The following DIP2C variants were observed in gnomAD, a reference collection of about 807,000 sequenced individuals.
The protein encoded by DIP2C is disco-interacting protein 2 homolog C.
Under a neutral mutation model 192.4 loss-of-function variants are expected in DIP2C, and 33 were observed. That is an observed-to-expected ratio of 0.17 (90% confidence interval 0.13 to 0.23). The LOEUF is 0.23. Among genes scored for constraint, DIP2C ranks in the 10% least tolerant of loss-of-function variants. The pLI is 1.00. For synonymous variants in DIP2C, 979 were observed against 864.1 expected (o/e 1.13, Z -2.33); for missense variants, 1,537 against 2,110.1 (o/e 0.73, Z 5.32).
rs1240181391 is a variant in DIP2C at position 461,587 on chromosome 10, G to C, written c.268+10852C>G. 2.0e-5 allele frequency among the ~76,000 whole-genome samples: 3 copies of C among 152,108 alleles called. No homozygotes were observed. In the East Asian group the frequency reaches 5.8e-4, roughly 29 times the overall value. On this transcript the variant is annotated intron_variant, in intron 3 of 36. Transcript: ENST00000280886. ...CTTAGACTCCCACACAGTAACAGTG[G>C]GAGGCTTTAACACCCCAACGTCAGT... is the stretch of plus-strand genomic sequence containing the variant.
rs909955259 is a variant in DIP2C, at chr10:372,782, C to T, written c.1992-3149G>A. Among the ~76,000 whole-genome samples, 3 of 152,104 alleles carry T rather than the reference C, an allele frequency of 2.0e-5. No homozygotes were observed. The East Asian group carries it at 5.8e-4, about 29-fold the overall frequency. ...CCCGACACACAGGTGGGCACAGAAG[C>T]GCGGGAGCTCCCGGCACACAGGCAG... On this transcript the variant is annotated intron_variant, in intron 17 of 36. Transcript: ENST00000280886.
chr10:569,300 C>T (rs771100374), intron 1 of DIP2C, among the ~76,000 whole-genome samples: 3 of 152,144 alleles, frequency 2.0e-5, no homozygotes, highest in Non-Finnish European at 4.4e-5. Context: ...TCAAGCATGC[C>T]AGGAAAAGTC....
intron 17 of DIP2C, among the ~76,000 whole-genome samples, chr10:370,552 G>A (rs1289469664): frequency 1.3e-5 from 2 of 152,210 alleles, no homozygotes; most frequent in African/African-American, 4.8e-5. Flanking sequence ...AGCGGCCACA[G>A]TTTGTTTTGC....
In DIP2C at chr10:370,442, T is replaced by C. The variant is rs558510862; in HGVS notation, c.1992-809A>G. Among the ~76,000 whole-genome samples, 9 of 152,280 alleles carry C rather than the reference T, an allele frequency of 5.9e-5. No individual in the cohort carries two copies. In the South Asian group the frequency reaches 1.7e-3, roughly 28 times the overall value. On this transcript the variant is annotated intron_variant, in intron 17 of 36. Coordinates refer to ENST00000280886, the MANE Select transcript of DIP2C (RefSeq NM_014974.3). ...CCTCTCCCTGTCTCCAGGGGACTTC[T>C]TGTCCCCTCAGAAAACACCCCCCAC...
chr10:555,725 C>A (rs925198160), intron 1 of DIP2C, among the ~76,000 whole-genome samples: 1 of 152,084 alleles, frequency 6.6e-6, no homozygotes, highest in African/African-American at 2.4e-5. Flanking sequence ...TAAAGGCAGG[C>A]AAACTATGAA....
chr10:619,609 C>T (rs1853735364), intron 1 of DIP2C, among the ~76,000 whole-genome samples: 1 of 138,794 alleles, frequency 7.2e-6, no homozygotes, highest in Non-Finnish European at 1.5e-5. Flanking sequence ...CTAGTGTCAC[C>T]TGTGCAAGGG....
Position 415,707 on chromosome 10 carries a change from TATC to T in DIP2C, c.859+59_859+61del, listed in dbSNP as rs571999502. The T allele has an allele frequency of 4.1e-4, 643 of 1,578,304 alleles. 5 individuals carry two copies. The South Asian group carries it at 6.6e-3, about 16-fold the overall frequency. On this transcript the variant is annotated intron_variant, in intron 7 of 36. Transcript: ENST00000280886. ...AGTAAAATAGCCTTGCAGAAAAAAA[TATC>T]ATTGTTTACGGGACCATAGGAGCAT...
At chr10:634,712 T>C (rs550445044) in intron 1 of DIP2C, among the ~76,000 whole-genome samples, 16 of 151,224 alleles carry the variant, frequency 1.1e-4, no homozygotes, top group South Asian at 8.4e-4. Context: ...GATTGCACCA[T>C]TGCACTCCAG....
At chr10:471,197 G>A (rs1361585518) in intron 3 of DIP2C, among the ~76,000 whole-genome samples, 1 of 152,176 alleles carries the variant, frequency 6.6e-6, no homozygotes, top group Non-Finnish European at 1.5e-5. Flanking sequence ...GCGCCCAGGA[G>A]GTGGCACCAG....
At chr10:650,051 C>T in intron 1 of DIP2C, 1 of 703,640 alleles carries the variant, frequency 1.4e-6, no homozygotes, top group South Asian at 1.5e-5. Flanking sequence ...CCTCCTGCAT[C>T]TGGGAGCTGC....
intron 30 of DIP2C, 67 bp from the exon 31 acceptor site, chr10:327,243 C>CT (rs1392838034): frequency 1.4e-5 from 22 of 1,535,014 alleles, no homozygotes; most frequent in Non-Finnish European, 1.9e-5. Flanking sequence ...CCAGAGACTC[C>CT]TTCCCACAGA....
rs779800150 is a variant in DIP2C, at chr10:341,349, G to A, written c.3454-20C>T. The A allele has an allele frequency of 5.6e-6, 9 of 1,613,122 alleles. No individual in the cohort carries two copies. Among genetic ancestry groups the A allele is most frequent in the Non-Finnish European group, 6.8e-6 (8 of 1,179,876 alleles). On this transcript the variant is annotated intron_variant, in intron 28 of 36. Coordinates refer to ENST00000280886, the MANE Select transcript of DIP2C (RefSeq NM_014974.3). ...AGACATCTGCAAAATACAAGGCTGTGTTAAACGCATCGGACCTGACACCCT... is the reference window on the plus strand; with the variant it reads ...AGACATCTGCAAAATACAAGGCTGTATTAAACGCATCGGACCTGACACCCT...
intron 34 of DIP2C, among the ~76,000 whole-genome samples, chr10:284,120 AGGCAG>A (rs1220557527): frequency 6.6e-6 from 1 of 152,208 alleles, no homozygotes; most frequent in African/African-American, 2.4e-5. Context: ...GGGTCAGGAG[AGGCAG>A]GGCCTTGTAG....
At chr10:639,425 A>T (rs1229412274) in intron 1 of DIP2C, among the ~76,000 whole-genome samples, 22 of 146,500 alleles carry the variant, frequency 1.5e-4, no homozygotes, top group Admixed American at 8.7e-4. Flanking sequence ...CACGGTCCAC[A>T]CATGGGGACG....
At chr10:537,303 T>C (rs1462123137) in intron 1 of DIP2C, among the ~76,000 whole-genome samples, 1 of 152,174 alleles carries the variant, frequency 6.6e-6, no homozygotes, top group African/African-American at 2.4e-5. Context: ...ATCTCTGTGA[T>C]TTCGGGGTAA....
At chr10:281,914 G>A (rs1954852067) in intron 35 of DIP2C, 1 of 152,220 alleles carries the variant, frequency 6.6e-6, no homozygotes, top group Non-Finnish European at 1.5e-5. Flanking sequence ...GACAACAAGT[G>A]GTCAGGTCCT....
chr10:613,407 A>G (rs1422462457), intron 1 of DIP2C, among the ~76,000 whole-genome samples: 1 of 152,204 alleles, frequency 6.6e-6, no homozygotes, highest in African/African-American at 2.4e-5. Flanking sequence ...CGTGCCTGCC[A>G]GGCCCGGGAG....
chr10:607,815 G>A lies in DIP2C; in HGVS notation c.85+81679C>T, dbSNP rs575588741. ...AATCACAATTTATAATCTTCAAAAT[G>A]TTAAACTAAAATTAGTTTAACAATC... On this transcript the variant is annotated intron_variant, in intron 1 of 36. Coordinates refer to ENST00000280886, the MANE Select transcript of DIP2C (RefSeq NM_014974.3). 1.3e-4 allele frequency among the ~76,000 whole-genome samples: 20 copies of A among 152,106 alleles called. No homozygotes were observed. In the South Asian group the frequency reaches 4.2e-3, roughly 32 times the overall value.
At chr10:512,616 T>A (rs1846087624) in intron 1 of DIP2C, among the ~76,000 whole-genome samples, 1 of 151,066 alleles carries the variant, frequency 6.6e-6, no homozygotes, top group African/African-American at 2.4e-5. Flanking sequence ...ACTGTATACA[T>A]CATTATAGAA....
Sources: gnomAD v4.1 joint callset for allele counts (sites outside exome capture counted in the v4.1 genomes callset) on GRCh38, gnomAD v4.1.1 for gene constraint, MANE v1.5 for transcripts, NCBI Gene and HGNC (gene_info 2026-07-23, HGNC 2026-07-21) for gene names.